Variants in ECM2 observed in about 807,000 individuals in gnomAD.
ECM2 encodes the protein extracellular matrix protein 2, female organ and adipocyte specific.
Under a neutral mutation model 67.5 loss-of-function variants are expected in ECM2, and 57 were observed. The observed-to-expected ratio is 0.84, with a 90% confidence interval of 0.68 to 1.05. The LOEUF (loss-of-function observed/expected upper bound fraction) is 1.05, where lower values mean the gene tolerates loss of function less well. ECM2 is among the 50% of genes least tolerant of loss of function. The pLI, the probability that ECM2 is intolerant of heterozygous loss-of-function variation, is 0.00. For synonymous variants in ECM2, 258 were observed against 294.5 expected, an observed-to-expected ratio of 0.88 and a Z score of 1.27; for missense variants, 741 against 822.8, an observed-to-expected ratio of 0.90 and a Z score of 1.22.
Position 92,501,134 on chromosome 9 carries a change from G to A in ECM2, c.1605-81C>T, listed in dbSNP as rs1209382125. On this transcript the variant is annotated intron_variant, in intron 8 of 9. Transcript: ENST00000344604. ...TCTAAATTTTGATAAGGCCAGTCTCGATGCTGGTCCATTTTCCTATAAGCA... is the reference window on the plus strand; with the variant it reads ...TCTAAATTTTGATAAGGCCAGTCTCAATGCTGGTCCATTTTCCTATAAGCA... 12 of 1,389,334 alleles carry A rather than the reference G, an allele frequency of 8.6e-6. No homozygotes were observed. The African/African-American group carries it at 8.7e-5, about 10-fold the overall frequency. 86.1% of individuals were successfully genotyped at this position (1,389,334 alleles called of 1,614,324 possible). A position where few individuals can be genotyped will look rare whatever the true frequency, so the allele number is the denominator to read the frequency against.
the ECM2 span, among the ~76,000 whole-genome samples, chr9:92,552,740 A>G: frequency 6.6e-6 from 1 of 151,990 alleles, no homozygotes; most frequent in Non-Finnish European, 1.5e-5. Flanking sequence ...TCTGGTTATT[A>G]GTGCTTTGTC....
the ECM2 span, among the ~76,000 whole-genome samples, chr9:92,554,139 T>C: frequency 2.6e-5 from 4 of 152,322 alleles, no homozygotes; most frequent in African/African-American, 9.6e-5. Context: ...TTTTGTTGAA[T>C]GTTTATTCTG....
At position 92,502,607 on chromosome 9, in the gene ECM2, A is replaced by G. The variant is rs369347015; in HGVS notation, c.1510T>C (p.Cys504Arg). ...TTGATCTTTCTGGTATGATTGAAAC[A>G]AATTTCAGTTATTTCTTCAATTTGG... ...NNQIEEITEI[C>R]FNHTRKINVI... The change falls in exon 8 of 10, where the codon TGT becomes CGT. Residue 504 changes from cysteine (C) to arginine (R), a missense_variant. Cys to Arg is a radical substitution (Grantham distance 180, BLOSUM62 -3). Transcript: ENST00000344604. The G allele has an allele frequency of 1.9e-6, 3 of 1,604,666 alleles. No homozygotes were observed. In the African/African-American group the frequency reaches 4.0e-5, roughly 22 times the overall value.
the ECM2 span, among the ~76,000 whole-genome samples, chr9:92,544,085 C>T: frequency 4.6e-5 from 7 of 152,198 alleles, no homozygotes; most frequent in Admixed American, 6.5e-5. Context: ...ATAGAAGTTG[C>T]GTGAGTCAGC....
intron 2 of ECM2, among the ~76,000 whole-genome samples, chr9:92,519,112 A>G (rs1393113649): frequency 6.6e-6 from 1 of 152,094 alleles, no homozygotes; most frequent in Non-Finnish European, 1.5e-5. Flanking sequence ...AGCCTCTCAC[A>G]TTAGTCCCCT....
In ECM2 at chr9:92,495,329, T is replaced by G. The variant is rs1038587918; in HGVS notation, c.*986A>C. ...GATAAAAATCATTATGTTAGAAAAT[T>G]TTAATATATGATTTTGGTAGGGCCA... is the stretch of plus-strand genomic sequence containing the variant. On this transcript the variant is annotated 3_prime_UTR_variant, in exon 10 of 10. Transcript: ENST00000344604. 1.3e-4 allele frequency: 117 copies of G among 906,708 alleles called. No individual in the cohort carries two copies. Among genetic ancestry groups the G allele is most frequent in the Non-Finnish European group, 1.5e-4 (110 of 758,456 alleles). 56.2% of individuals were successfully genotyped at this position (906,708 alleles called of 1,614,324 possible). A position where few individuals can be genotyped will look rare whatever the true frequency, so the allele number is the denominator to read the frequency against.
rs1318342010 is a variant in ECM2, at chr9:92,496,522, G to A, written c.1932-39C>T. The stretch of plus-strand genomic sequence containing the variant: ...GACATGCAAGTCACACATGGTCCCA[G>A]TAATAATCTGCCTTTAGGAGTTAAG... On this transcript the variant is annotated intron_variant, in intron 9 of 9. Transcript: ENST00000344604. The A allele has an allele frequency of 2.5e-6, 4 of 1,581,966 alleles. No individual in the cohort carries two copies. The South Asian group carries it at 4.8e-5, about 19-fold the overall frequency.
At chr9:92,540,731 A>G (rs978368382), upstream of ECM2, among the ~76,000 whole-genome samples, 5 of 151,574 alleles carry the variant, frequency 3.3e-5, no homozygotes, top group African/African-American at 1.2e-4. Context: ...AGATCACACC[A>G]CTGCACTCTA....
intron 8 of ECM2, among the ~76,000 whole-genome samples, 157 bp from the exon 9 acceptor site, chr9:92,501,210 C>A (rs1156496015): frequency 1.3e-5 from 2 of 152,144 alleles, no homozygotes; most frequent in Non-Finnish European, 2.9e-5. Context: ...GTATAGCCAG[C>A]CCTAGTCTCT....
At chr9:92,552,049 G>A in the ECM2 span, among the ~76,000 whole-genome samples, 7 of 81,866 alleles carry the variant, frequency 8.6e-5, no homozygotes, top group East Asian at 4.6e-4. Context: ...GATATTATAG[G>A]TCTATCATAT....
chr9:92,551,950 TA>T, the ECM2 span, among the ~76,000 whole-genome samples: 858 of 121,482 alleles, frequency 7.1e-3, 54 homozygotes, highest in African/African-American at 0.03. Context: ...TATATATATA[TA>T]TGATATATAT....
intron 3 of ECM2, among the ~76,000 whole-genome samples, chr9:92,516,338 C>G (rs548435029): frequency 4.6e-5 from 7 of 152,290 alleles, no homozygotes; most frequent in African/African-American, 1.7e-4. Flanking sequence ...GCTGGGATTA[C>G]AGGTGTGAGC....
intron 7 of ECM2, 81 bp downstream of exon 7, chr9:92,505,452 A>G (rs944401738): frequency 4.1e-6 from 5 of 1,222,870 alleles, no homozygotes; most frequent in Non-Finnish European, 4.6e-6. Context: ...TTACATCACA[A>G]TAGTCTTAAA....
At chr9:92,553,203 C>G in the ECM2 span, among the ~76,000 whole-genome samples, 5 of 152,010 alleles carry the variant, frequency 3.3e-5, no homozygotes, top group Non-Finnish European at 7.4e-5. Context: ...TTTGCTTTGT[C>G]GAAGATCAGT....
At chr9:92,540,021 T>C (rs1849280902), upstream of ECM2, among the ~76,000 whole-genome samples, 1 of 152,226 alleles carries the variant, frequency 6.6e-6, no homozygotes, top group South Asian at 2.1e-4. Flanking sequence ...TTTTAAACAG[T>C]TTTCACATTT....
chr9:92,527,889 G>A (rs1848513387), intron 1 of ECM2: 1 of 154,114 alleles, frequency 6.5e-6, no homozygotes, highest in Non-Finnish European at 1.5e-5. Context: ...AAATGAGCAT[G>A]GTTTTGTGGA....
At chr9:92,553,819 A>C in the ECM2 span, among the ~76,000 whole-genome samples, 7 of 152,134 alleles carry the variant, frequency 4.6e-5, no homozygotes, top group South Asian at 4.1e-4. Flanking sequence ...TTTCTGGAGG[A>C]GTCCTTAGGG....
chr9:92,505,698 A>C lies in ECM2; in HGVS notation c.1307-8T>G. 1 of 1,555,526 alleles carries C rather than the reference A, an allele frequency of 6.4e-7. No homozygotes were observed. On this transcript the variant is annotated splice_polypyrimidine_tract_variant and splice_region_variant and intron_variant, in intron 6 of 9. Transcript: ENST00000344604. ...TGACCAACTGATTTAAGTCTATAAA[A>C]AATAAAAGTATTAGAATATTAGGAT...
chr9:92,547,202 GAATA>G, the ECM2 span, among the ~76,000 whole-genome samples: 24 of 151,988 alleles, frequency 1.6e-4, no homozygotes, highest in African/African-American at 4.8e-4. Context: ...GTTTTAAAAA[GAATA>G]AAGAAAGCAA....
Sources: allele counts gnomAD v4.1 joint callset (sites outside exome capture counted in the v4.1 genomes callset), GRCh38; gene constraint gnomAD v4.1.1; transcripts MANE v1.5; gene names NCBI Gene and HGNC (gene_info 2026-07-23, HGNC 2026-07-21).